Variants in ST6GALNAC3 observed in about 807,000 individuals in gnomAD.
ST6GALNAC3 encodes ST6 N-acetylgalactosaminide alpha-2,6-sialyltransferase 3.
Under a neutral mutation model 32.7 loss-of-function variants are expected in ST6GALNAC3, and 25 were observed. That is an observed-to-expected ratio of 0.76 (90% CI 0.56 to 1.07). ST6GALNAC3 has a LOEUF of 1.07. Among genes scored for constraint, ST6GALNAC3 ranks in the 50% least tolerant of loss-of-function variants. ST6GALNAC3 has a pLI of 0.00. For synonymous variants in ST6GALNAC3, 129 were observed against 133.1 expected (o/e 0.97, Z 0.21); for missense variants, 355 against 382.4 (o/e 0.93, Z 0.60).
chr1:76,147,362 C>T (rs1419656466), intron 1 of ST6GALNAC3, among the ~76,000 whole-genome samples: 1 of 152,166 alleles, frequency 6.6e-6, no homozygotes, highest in African/African-American at 2.4e-5. Context: ...TGTTCCTGGC[C>T]TGATCACTCA....
In ST6GALNAC3 at chr1:76,287,935, C is replaced by T. The variant is rs1659874626; in HGVS notation, c.19-25870C>T. On this transcript the variant is annotated intron_variant, in intron 1 of 4. Transcript: ENST00000328299. ...GCACAAAGTTGTTAAGTACCTTTGT[C>T]CAAGGTCCTAGAGTTTGTGAGCAGC... Among the ~76,000 whole-genome samples the T allele has an allele frequency of 2.6e-5, 4 of 152,152 alleles. No homozygotes were observed. The South Asian group carries it at 8.3e-4, about 32-fold the overall frequency.
chr1:76,334,183 T>C (rs761803790), intron 2 of ST6GALNAC3, among the ~76,000 whole-genome samples: 1 of 152,242 alleles, frequency 6.6e-6, no homozygotes, highest in Non-Finnish European at 1.5e-5. Flanking sequence ...TTGTTATCAC[T>C]TGATAGTGTT....
chr1:76,562,786 A>G (rs995096403), intron 3 of ST6GALNAC3, among the ~76,000 whole-genome samples: 2 of 152,228 alleles, frequency 1.3e-5, no homozygotes, highest in African/African-American at 4.8e-5. Context: ...TATAGACTGT[A>G]TCAATATTTG....
At chr1:76,510,052 T>A (rs1010363023) in intron 3 of ST6GALNAC3, among the ~76,000 whole-genome samples, 6 of 152,160 alleles carry the variant, frequency 3.9e-5, no homozygotes, top group Non-Finnish European at 7.3e-5. Flanking sequence ...AAAGTAAGTG[T>A]TTGTTTTCTG....
intron 2 of ST6GALNAC3, among the ~76,000 whole-genome samples, chr1:76,356,885 G>T (rs1477435261): frequency 6.6e-6 from 1 of 152,010 alleles, no homozygotes; most frequent in Non-Finnish European, 1.5e-5. Flanking sequence ...ACCGTATTGC[G>T]GTCTAAACAT....
At chr1:76,506,050 TG>T (rs11340708) in intron 3 of ST6GALNAC3, among the ~76,000 whole-genome samples, 62,993 of 152,018 alleles carry the variant, frequency 0.41, 16,227 homozygotes, top group African/African-American at 0.73. Flanking sequence ...ATTTGACACA[TG>T]GATATGCTAA....
At chr1:76,559,298 C>T (rs754749915) in intron 3 of ST6GALNAC3, among the ~76,000 whole-genome samples, 8 of 152,118 alleles carry the variant, frequency 5.3e-5, no homozygotes, top group African/African-American at 9.7e-5. Flanking sequence ...TTCCAACAAA[C>T]GACGTTAGGA....
chr1:76,183,030 C>T (rs745707295), intron 1 of ST6GALNAC3, among the ~76,000 whole-genome samples: 11 of 152,048 alleles, frequency 7.2e-5, no homozygotes, highest in Non-Finnish European at 1.5e-4. Context: ...TTGCAGATGT[C>T]ACTATGTCTA....
intron 3 of ST6GALNAC3, among the ~76,000 whole-genome samples, chr1:76,416,847 C>T (rs922642858): frequency 2.6e-4 from 39 of 152,054 alleles, no homozygotes; most frequent in Middle Eastern, 3.4e-3. Flanking sequence ...AGGCTAGTCT[C>T]GAACTCCTGA....
intron 2 of ST6GALNAC3, among the ~76,000 whole-genome samples, chr1:76,352,938 T>C (rs1557814419): frequency 6.6e-6 from 1 of 152,154 alleles, no homozygotes; most frequent in Non-Finnish European, 1.5e-5. Flanking sequence ...TCCACTTCTC[T>C]TGATTTTCCT....
intron 2 of ST6GALNAC3, among the ~76,000 whole-genome samples, chr1:76,318,083 A>T (rs1646900303): frequency 6.6e-6 from 1 of 151,854 alleles, no homozygotes; most frequent in Non-Finnish European, 1.5e-5. Flanking sequence ...AAAAAAAATA[A>T]TCTGTTCCCA....
chr1:76,411,897 A>G, intron 2 of ST6GALNAC3, 111 bp from the exon 3 acceptor site: 1 of 1,189,222 alleles, frequency 8.4e-7, no homozygotes, highest in Non-Finnish European at 1.2e-6. Context: ...TACTTCAGAG[A>G]TATTTCCATA....
intron 1 of ST6GALNAC3, among the ~76,000 whole-genome samples, chr1:76,218,364 G>C (rs1187465277): frequency 1.3e-5 from 2 of 152,184 alleles, no homozygotes; most frequent in Non-Finnish European, 2.9e-5. Flanking sequence ...TTGGAGGCTA[G>C]AGTATTTGCC....
At chr1:76,083,092 T>C in intron 1 of ST6GALNAC3, among the ~76,000 whole-genome samples, 1 of 152,350 alleles carries the variant, frequency 6.6e-6, no homozygotes, top group Non-Finnish European at 1.5e-5. Context: ...TAAAAACTTC[T>C]TTGGTCAGCT....
chr1:76,431,364 T>A (rs939984783), intron 3 of ST6GALNAC3, among the ~76,000 whole-genome samples: 1 of 152,172 alleles, frequency 6.6e-6, no homozygotes, highest in African/African-American at 2.4e-5. Flanking sequence ...ATTTGATAAT[T>A]TTTACTTTAT....
At chr1:76,548,734 A>G (rs1664444419) in intron 3 of ST6GALNAC3, among the ~76,000 whole-genome samples, 1 of 152,310 alleles carries the variant, frequency 6.6e-6, no homozygotes, top group South Asian at 2.1e-4. Flanking sequence ...TCTTTTAGGC[A>G]GCCAAACTTC....
chr1:76,456,403 G>T (rs1323862343), intron 3 of ST6GALNAC3, among the ~76,000 whole-genome samples: 1 of 151,950 alleles, frequency 6.6e-6, no homozygotes, highest in Non-Finnish European at 1.5e-5. Context: ...TTGGAGTGCA[G>T]TGGTGCAATC....
At chr1:76,112,099 G>T (rs868127864) in intron 1 of ST6GALNAC3, among the ~76,000 whole-genome samples, 2 of 146,652 alleles carry the variant, frequency 1.4e-5, no homozygotes, top group Non-Finnish European at 3.0e-5. Flanking sequence ...CGGACGGGGC[G>T]GCTGGCCGGG....
intron 3 of ST6GALNAC3, among the ~76,000 whole-genome samples, chr1:76,455,332 G>C (rs1657698572): frequency 6.6e-6 from 1 of 151,966 alleles, no homozygotes; most frequent in Admixed American, 6.6e-5. Context: ...TTCTGCTGCT[G>C]ATTCATATTT....
Sources: allele counts gnomAD v4.1 joint callset (sites outside exome capture counted in the v4.1 genomes callset), GRCh38; gene constraint gnomAD v4.1.1; transcripts MANE v1.5; gene names NCBI Gene and HGNC (gene_info 2026-07-23, HGNC 2026-07-21).